The following ZNF385D variants were observed in gnomAD, a reference collection of about 807,000 sequenced individuals.
ZNF385D encodes the protein zinc finger protein 385D, also known as zinc finger protein 659.
Under a neutral mutation model 35.8 loss-of-function variants are expected in ZNF385D, and 15 were observed. The ratio of observed to expected loss-of-function variants is 0.42; its 90% CI spans 0.28 to 0.64. The LOEUF (loss-of-function observed/expected upper bound fraction) is 0.64. Ranked by LOEUF, ZNF385D falls within the 30% of genes least tolerant of loss-of-function variation. ZNF385D has a pLI of 0.23. For synonymous variants in ZNF385D, 212 were observed against 186.8 expected (o/e 1.13, Z -1.10); for missense variants, 474 against 494.6 (o/e 0.96, Z 0.39).
At chr3:21,759,320 G>T (rs966395061) in intron 3 of ZNF385D, among the ~76,000 whole-genome samples, 1 of 150,828 alleles carries the variant, frequency 6.6e-6, no homozygotes, top group Non-Finnish European at 1.5e-5. Flanking sequence ...GAATGGGATT[G>T]TGAATGATGT....
chr3:22,005,223 A>C (rs963249371), intron 3 of ZNF385D, among the ~76,000 whole-genome samples: 1 of 152,020 alleles, frequency 6.6e-6, no homozygotes, highest in Non-Finnish European at 1.5e-5. Flanking sequence ...ACAAATTAAA[A>C]CCACAATGAG....
At chr3:21,590,630 T>C (rs1378335391) in intron 2 of ZNF385D, among the ~76,000 whole-genome samples, 2 of 152,124 alleles carry the variant, frequency 1.3e-5, no homozygotes, top group Admixed American at 6.6e-5. Context: ...TTTAGTATAG[T>C]CACAATTAAC....
intron 2 of ZNF385D, among the ~76,000 whole-genome samples, chr3:22,279,163 A>T (rs944911261): frequency 6.6e-6 from 1 of 151,996 alleles, no homozygotes; most frequent in Non-Finnish European, 1.5e-5. Context: ...GGTTACATGA[A>T]TAAGTTATTT....
At chr3:22,317,805 A>G (rs2125440106) in intron 2 of ZNF385D, among the ~76,000 whole-genome samples, 1 of 152,300 alleles carries the variant, frequency 6.6e-6, no homozygotes, top group South Asian at 2.1e-4. Context: ...TCACTCATGT[A>G]ATCCCAGCAC....
intron 3 of ZNF385D, among the ~76,000 whole-genome samples, chr3:21,957,809 C>T (rs1241547035): frequency 6.6e-6 from 1 of 152,102 alleles, no homozygotes; most frequent in Non-Finnish European, 1.5e-5. Flanking sequence ...TTTTCTCCTT[C>T]AATTCTCTAT....
At chr3:21,963,946 T>TTATTA (rs1269293560) in intron 3 of ZNF385D, among the ~76,000 whole-genome samples, 5 of 152,254 alleles carry the variant, frequency 3.3e-5, no homozygotes, top group African/African-American at 1.2e-4. Context: ...TTATTTTATG[T>TTATTA]TAGATATTAT....
chr3:21,708,379 G>T (rs145099331), intron 1 of ZNF385D, among the ~76,000 whole-genome samples: 611 of 152,234 alleles, frequency 4.0e-3, no homozygotes, highest in Non-Finnish European at 7.1e-3. Flanking sequence ...TACCCAAGAT[G>T]GCACAGCTCT....
At chr3:21,851,527 A>T (rs1322299894) in intron 3 of ZNF385D, among the ~76,000 whole-genome samples, 1 of 152,092 alleles carries the variant, frequency 6.6e-6, no homozygotes, top group African/African-American at 2.4e-5. Context: ...CGTGTCCTTA[A>T]ATAGCCAATG....
intron 3 of ZNF385D, among the ~76,000 whole-genome samples, chr3:21,534,978 C>T (rs942982416): frequency 3.8e-4 from 58 of 152,230 alleles, no homozygotes; most frequent in African/African-American, 1.4e-3. Flanking sequence ...TAGTAAGTTT[C>T]AGATGATGTT....
At chr3:21,831,942 C>G (rs1384988961) in intron 3 of ZNF385D, among the ~76,000 whole-genome samples, 1 of 152,104 alleles carries the variant, frequency 6.6e-6, no homozygotes, top group African/African-American at 2.4e-5. Flanking sequence ...GAGAAATGGG[C>G]TAATAAATGT....
intron 3 of ZNF385D, among the ~76,000 whole-genome samples, chr3:21,990,572 G>A (rs1309310275): frequency 6.6e-6 from 1 of 152,022 alleles, no homozygotes; most frequent in Non-Finnish European, 1.5e-5. Context: ...AATTATATTT[G>A]TACTTAATAT....
At chr3:22,231,355 TGA>T (rs1008985281) in intron 2 of ZNF385D, among the ~76,000 whole-genome samples, 1 of 151,820 alleles carries the variant, frequency 6.6e-6, no homozygotes, top group African/African-American at 2.4e-5. Flanking sequence ...CTGTCCCCAG[TGA>T]GAGAGAGAAA....
chr3:22,154,910 A>G (rs1318086443), intron 3 of ZNF385D, among the ~76,000 whole-genome samples: 2 of 152,190 alleles, frequency 1.3e-5, no homozygotes, highest in East Asian at 3.9e-4. Flanking sequence ...AAGGAGCATG[A>G]TATTATACAA....
intron 2 of ZNF385D, among the ~76,000 whole-genome samples, chr3:21,578,902 T>C (rs976798132): frequency 2.5e-4 from 38 of 152,196 alleles, no homozygotes; most frequent in African/African-American, 8.4e-4. Context: ...ATTGCATTTT[T>C]TTAGAAAAGA....
At chr3:22,234,723 G>A (rs1035587578) in intron 2 of ZNF385D, among the ~76,000 whole-genome samples, 6 of 151,932 alleles carry the variant, frequency 3.9e-5, no homozygotes, top group African/African-American at 1.4e-4. Flanking sequence ...GTATTGTAGT[G>A]ATTGGAATGT....
intron 2 of ZNF385D, among the ~76,000 whole-genome samples, chr3:22,171,823 G>C (rs538207791): frequency 6.9e-6 from 1 of 145,616 alleles, no homozygotes; most frequent in Non-Finnish European, 1.5e-5. Flanking sequence ...CTTGCAGTGA[G>C]CCGAGATCAC....
chr3:22,360,666 C>T (rs1037481135), intron 2 of ZNF385D, among the ~76,000 whole-genome samples: 1 of 151,926 alleles, frequency 6.6e-6, no homozygotes, highest in Admixed American at 6.6e-5. Context: ...ATACCAAGTC[C>T]TCATATGCCC....
intron 2 of ZNF385D, among the ~76,000 whole-genome samples, chr3:22,306,321 T>G (rs1703215964): frequency 6.6e-6 from 1 of 152,046 alleles, no homozygotes. Context: ...AACCTTTCTC[T>G]GTCTTGTGGT....
At chr3:22,158,840 C>A (rs184544541) in intron 3 of ZNF385D, among the ~76,000 whole-genome samples, 5 of 151,706 alleles carry the variant, frequency 3.3e-5, no homozygotes, top group African/African-American at 9.7e-5. Context: ...TTGTTAAGGG[C>A]GTAAATCAGG....
Sources: allele counts gnomAD v4.1 joint callset (sites outside exome capture counted in the v4.1 genomes callset), GRCh38; gene constraint gnomAD v4.1.1; transcripts MANE v1.5; gene names NCBI Gene and HGNC (gene_info 2026-07-23, HGNC 2026-07-21).